The following SLIT3 variants were observed in gnomAD, a reference collection of about 807,000 sequenced individuals.
The protein encoded by SLIT3 is slit guidance ligand 3, also known as slit homolog 3 protein.
Under a neutral mutation model 184.0 loss-of-function variants are expected in SLIT3, and 68 were observed. That is an observed-to-expected ratio of 0.37 (90% confidence interval 0.30 to 0.45). The LOEUF is 0.45. Among genes scored for constraint, SLIT3 ranks in the 20% least tolerant of loss-of-function variants. SLIT3 has a pLI of 1.00. For missense variants in SLIT3, 1,707 were observed against 2,026.0 expected, an observed-to-expected ratio of 0.84 and a Z score of 3.02; for synonymous variants, 831 against 828.6, an observed-to-expected ratio of 1.00 and a Z score of -0.05.
At chr5:169,194,003 G>A (rs926794554) in intron 3 of SLIT3, among the ~76,000 whole-genome samples, 10 of 152,204 alleles carry the variant, frequency 6.6e-5, no homozygotes, top group African/African-American at 2.4e-4. Flanking sequence ...AGAGGCTGAG[G>A]CAGGCAGATC....
chr5:168,712,222 C>T (rs182002168), intron 24 of SLIT3, 61 bp downstream of exon 24: 37 of 1,433,224 alleles, frequency 2.6e-5, no homozygotes, highest in Non-Finnish European at 3.3e-5. Flanking sequence ...ATGACATTGT[C>T]GCTGACACTT....
At chr5:169,240,591 T>C (rs1765369081) in intron 3 of SLIT3, among the ~76,000 whole-genome samples, 1 of 150,026 alleles carries the variant, frequency 6.7e-6, no homozygotes, top group Admixed American at 6.6e-5. Flanking sequence ...TTTTTTTTTT[T>C]TTTTTTTTAC....
chr5:169,269,979 G>A (rs1012231171), intron 1 of SLIT3, among the ~76,000 whole-genome samples: 2 of 152,066 alleles, frequency 1.3e-5, no homozygotes, highest in Non-Finnish European at 2.9e-5. Context: ...TACAAATCAC[G>A]TTCTGTAGGT....
intron 4 of SLIT3, among the ~76,000 whole-genome samples, chr5:168,957,481 T>A (rs1426870567): frequency 6.6e-6 from 1 of 152,156 alleles, no homozygotes; most frequent in East Asian, 1.9e-4. Context: ...CCCCAGGGGA[T>A]CCTCTGAACA....
intron 4 of SLIT3, among the ~76,000 whole-genome samples, chr5:169,063,360 A>G (rs1355948014): frequency 6.6e-6 from 1 of 152,224 alleles, no homozygotes; most frequent in Admixed American, 6.5e-5. Flanking sequence ...CCTTCCTACC[A>G]GGACCAGATG....
chr5:168,883,173 G>T, intron 5 of SLIT3, 92 bp downstream of exon 5: 1 of 993,948 alleles, frequency 1.0e-6, no homozygotes, highest in Non-Finnish European at 1.6e-6. Context: ...GAAGGCACCT[G>T]GACCACCCTC....
At chr5:168,897,172 C>T (rs1299165286) in intron 4 of SLIT3, among the ~76,000 whole-genome samples, 1 of 152,122 alleles carries the variant, frequency 6.6e-6, no homozygotes, top group African/African-American at 2.4e-5. Context: ...CAGGTCAACA[C>T]TAAGAAAATA....
intron 20 of SLIT3, among the ~76,000 whole-genome samples, chr5:168,735,899 A>G (rs1317811521): frequency 6.6e-6 from 1 of 152,138 alleles, no homozygotes; most frequent in African/African-American, 2.4e-5. Flanking sequence ...TCCCTTCTCA[A>G]GCTTTCAGCA....
chr5:168,750,376 A>G (rs1754654190), intron 18 of SLIT3, among the ~76,000 whole-genome samples: 1 of 152,206 alleles, frequency 6.6e-6, no homozygotes, highest in African/African-American at 2.4e-5. Context: ...CAGCGACCCT[A>G]TGAAGGAGGT....
intron 3 of SLIT3, among the ~76,000 whole-genome samples, chr5:169,209,255 C>T (rs1372836381): frequency 6.6e-6 from 1 of 152,158 alleles, no homozygotes; most frequent in Non-Finnish European, 1.5e-5. Context: ...CAATGAGATA[C>T]CATCTCACAT....
At position 169,225,091 on chromosome 5, in the gene SLIT3, C is replaced by T. The variant is rs142161418; in HGVS notation, c.341+19614G>A. On this transcript the variant is annotated intron_variant, in intron 3 of 35. Transcript: ENST00000519560. Reference sequence around the variant, plus strand: ...AGTACTTCCTACTAATAAGGATACTCAAAATAATTGGCTGCTGGGAATTCA... The same window carrying T: ...AGTACTTCCTACTAATAAGGATACTTAAAATAATTGGCTGCTGGGAATTCA... 6.5e-4 allele frequency among the ~76,000 whole-genome samples: 99 copies of T among 152,298 alleles called. 4 individuals are homozygous for T. In the East Asian group the frequency reaches 0.018, roughly 28 times the overall value.
At chr5:169,083,315 T>C (rs1759146756) in intron 4 of SLIT3, among the ~76,000 whole-genome samples, 1 of 152,036 alleles carries the variant, frequency 6.6e-6, no homozygotes, top group African/African-American at 2.4e-5. Flanking sequence ...ACAAAAAGAC[T>C]CTAGGTTAAC....
chr5:168,942,828 C>G (rs997251797), intron 4 of SLIT3, among the ~76,000 whole-genome samples: 2 of 151,572 alleles, frequency 1.3e-5, no homozygotes, highest in Non-Finnish European at 2.9e-5. Context: ...TAGCCAATTT[C>G]TGACTGCTGA....
intron 4 of SLIT3, among the ~76,000 whole-genome samples, chr5:168,888,780 TG>T (rs1208865895): frequency 6.6e-6 from 1 of 152,254 alleles, no homozygotes; most frequent in Non-Finnish European, 1.5e-5. Flanking sequence ...CATTTATGTT[TG>T]GAACCATTAT....
At chr5:168,803,308 G>A (rs533420957) in intron 9 of SLIT3, among the ~76,000 whole-genome samples, 1 of 152,268 alleles carries the variant, frequency 6.6e-6, no homozygotes, top group African/African-American at 2.4e-5. Flanking sequence ...CCTTTAAACT[G>A]AATATTTTTG....
chr5:168,785,720 T>C (rs1393280998), intron 12 of SLIT3, among the ~76,000 whole-genome samples, 187 bp downstream of exon 12: 1 of 152,250 alleles, frequency 6.6e-6, no homozygotes, highest in Non-Finnish European at 1.5e-5. Context: ...TCGGTCTTCC[T>C]CTGCCCGCTC....
chr5:168,779,862 G>C (rs1005127664), intron 12 of SLIT3, among the ~76,000 whole-genome samples: 1 of 152,196 alleles, frequency 6.6e-6, no homozygotes, highest in Non-Finnish European at 1.5e-5. Flanking sequence ...ATGGCCCACA[G>C]GGGGAAAACC....
At chr5:168,794,571 G>A (rs1464393006) in intron 10 of SLIT3, among the ~76,000 whole-genome samples, 1 of 152,232 alleles carries the variant, frequency 6.6e-6, no homozygotes, top group South Asian at 2.1e-4. Flanking sequence ...CGGCACTGAT[G>A]TAATGCAGTG....
At chr5:168,773,177 C>T (rs932771563) in intron 13 of SLIT3, among the ~76,000 whole-genome samples, 2 of 152,114 alleles carry the variant, frequency 1.3e-5, no homozygotes, top group African/African-American at 2.4e-5. Context: ...TCTGGGGAAT[C>T]GGTCTCCCAG....
Sources: gnomAD v4.1 joint callset for allele counts (sites outside exome capture counted in the v4.1 genomes callset) on GRCh38, gnomAD v4.1.1 for gene constraint, MANE v1.5 for transcripts, NCBI Gene and HGNC (gene_info 2026-07-23, HGNC 2026-07-21) for gene names.